The following ADCY2 variants were observed in gnomAD, a reference collection of about 807,000 sequenced individuals.
ADCY2 encodes adenylate cyclase 2.
A neutral mutation model predicts 125.2 loss-of-function variants in ADCY2; 31 were observed. That is an observed-to-expected ratio of 0.25 (90% CI 0.19 to 0.33). The LOEUF (loss-of-function observed/expected upper bound fraction) is 0.33. ADCY2 is among the 10% of genes least tolerant of loss of function. The pLI is 1.00. For synonymous variants in ADCY2, 512 were observed against 548.4 expected (o/e 0.93, Z 0.93); for missense variants, 904 against 1,418.2 (o/e 0.64, Z 5.82).
At chr5:7,577,318 G>A (rs1298519098) in intron 3 of ADCY2, among the ~76,000 whole-genome samples, 1 of 152,200 alleles carries the variant, frequency 6.6e-6, no homozygotes, top group Non-Finnish European at 1.5e-5. Context: ...TAAAGCATGT[G>A]CATGAAGCTG....
intron 3 of ADCY2, among the ~76,000 whole-genome samples, chr5:7,547,418 AG>A (rs1200072929): frequency 6.6e-6 from 1 of 152,132 alleles, no homozygotes; most frequent in African/African-American, 2.4e-5. Flanking sequence ...GATCCTGAAA[AG>A]CTTAATGGAG....
chr5:7,565,748 G>A (rs749145523), intron 3 of ADCY2, among the ~76,000 whole-genome samples: 13 of 152,192 alleles, frequency 8.5e-5, no homozygotes, highest in Non-Finnish European at 1.6e-4. Flanking sequence ...CAAAGAGCCT[G>A]TGTCCAGATG....
At chr5:7,745,851 C>CT (rs962175960) in intron 15 of ADCY2, among the ~76,000 whole-genome samples, 3 of 152,214 alleles carry the variant, frequency 2.0e-5, no homozygotes, top group African/African-American at 7.2e-5. Flanking sequence ...ATCAGGCTGA[C>CT]TTTTTTTCAT....
intron 4 of ADCY2, among the ~76,000 whole-genome samples, chr5:7,684,775 C>T (rs200513048): frequency 2.1e-5 from 3 of 141,444 alleles, no homozygotes; most frequent in African/African-American, 2.6e-5. Context: ...TCTGTTGTGC[C>T]TTTTTTTTTT....
intron 18 of ADCY2, among the ~76,000 whole-genome samples, chr5:7,776,653 C>G (rs1470345341): frequency 1.3e-5 from 2 of 152,196 alleles, no homozygotes; most frequent in Non-Finnish European, 2.9e-5. Context: ...CCAGAGAAGA[C>G]TGACATTTGA....
At chr5:7,464,434 C>A (rs1742031235) in intron 2 of ADCY2, among the ~76,000 whole-genome samples, 2 of 152,212 alleles carry the variant, frequency 1.3e-5, no homozygotes, top group Admixed American at 1.3e-4. Context: ...GTGCCATCTA[C>A]TGACCTACGG....
At chr5:7,596,384 T>C (rs1737006676) in intron 3 of ADCY2, among the ~76,000 whole-genome samples, 1 of 152,216 alleles carries the variant, frequency 6.6e-6, no homozygotes, top group Admixed American at 6.5e-5. Context: ...ATACAGTTGT[T>C]ATTTACAATG....
chr5:7,740,819 T>C (rs1402385030), intron 14 of ADCY2, among the ~76,000 whole-genome samples: 3 of 152,074 alleles, frequency 2.0e-5, no homozygotes. Flanking sequence ...CAGTAACTAG[T>C]AGAATATTTA....
At chr5:7,589,520 G>GAAAAGAA (rs781438703) in intron 3 of ADCY2, among the ~76,000 whole-genome samples, 5 of 101,210 alleles carry the variant, frequency 4.9e-5, no homozygotes, top group South Asian at 7.5e-4. Flanking sequence ...GAAAAGAAAA[G>GAAAAGAA]AAAGAGAAAG....
rs199538422 is a variant in ADCY2 at position 7,709,035 on chromosome 5, TC to T, written c.1402-173del. On this transcript the variant is annotated intron_variant, in intron 9 of 24. Transcript: ENST00000338316. This position sits in a 1 kb window ranked among gnomAD's most constrained non-coding sequence, Gnocchi z 4.4. The stretch of plus-strand genomic sequence containing the variant: ...TATGTTTTGCTAGCTGAAAAAAGAT[TC>T]CCTCAACTCAAATAGTGTGTTCCCC... Among the ~76,000 whole-genome samples, 1,014 of 152,256 alleles carry T rather than the reference TC, an allele frequency of 6.7e-3. 7 individuals are homozygous for T. Among genetic ancestry groups the T allele is most frequent in the Middle Eastern group, 0.024 (7 of 294 alleles).
At position 7,733,026 on chromosome 5, in the gene ADCY2, T is replaced by G. The variant is rs138237170; in HGVS notation, c.1871+5765T>G. Among the ~76,000 whole-genome samples, 460 of 152,314 alleles carry G rather than the reference T, an allele frequency of 3.0e-3. 1 individual carries two copies. The highest frequency in any genetic ancestry group is 6.8e-3 in the Middle Eastern group (2 of 294). The stretch of plus-strand genomic sequence containing the variant: ...CAAAAATGATCAAGCATGAATTGCT[T>G]TTTTTGCTTTTAAGTAGTTTCATTC... On this transcript the variant is annotated intron_variant, in intron 14 of 24. Coordinates refer to ENST00000338316, the MANE Select transcript of ADCY2 (RefSeq NM_020546.3).
chr5:7,483,392 G>C (rs905946513), intron 2 of ADCY2, among the ~76,000 whole-genome samples: 2 of 151,438 alleles, frequency 1.3e-5, no homozygotes, highest in African/African-American at 4.9e-5. Context: ...TAGCCTTTCA[G>C]TGATGATTGA....
At chr5:7,620,164 T>A (rs1737907270) in intron 3 of ADCY2, among the ~76,000 whole-genome samples, 1 of 152,094 alleles carries the variant, frequency 6.6e-6, no homozygotes, top group Non-Finnish European at 1.5e-5. Context: ...TCCAAATATA[T>A]CTGGAAAAAT....
In ADCY2 at chr5:7,827,122, G is replaced by A. The variant is rs1745510702; in HGVS notation, c.*251G>A. On this transcript the variant is annotated 3_prime_UTR_variant, in exon 25 of 25. Transcript: ENST00000338316. ...GCGCGTGATAGAAGAAAAGCACTGG[G>A]AGAACTAACAGAGGAGAAAGGTGAA... 3 of 423,550 alleles carry A rather than the reference G, an allele frequency of 7.1e-6. No individual in the cohort carries two copies. The highest frequency in any genetic ancestry group is 6.3e-4 in the Middle Eastern group (1 of 1,584). The allele number at this position is 423,550 out of a possible 1,614,324, so 26.2% of individuals were successfully genotyped here.
intron 3 of ADCY2, among the ~76,000 whole-genome samples, chr5:7,583,829 T>C (rs1736516261): frequency 6.6e-6 from 1 of 152,010 alleles, no homozygotes; most frequent in Non-Finnish European, 1.5e-5. Context: ...ACAGCTGAAG[T>C]GTCCAGGAAC....
intron 4 of ADCY2, among the ~76,000 whole-genome samples, chr5:7,671,058 A>G (rs1311266197): frequency 6.6e-6 from 1 of 152,226 alleles, no homozygotes; most frequent in East Asian, 1.9e-4. Flanking sequence ...TTTTAGAGAC[A>G]GATGTTAGGC....
At chr5:7,458,602 T>C (rs571064104) in intron 2 of ADCY2, among the ~76,000 whole-genome samples, 1 of 152,314 alleles carries the variant, frequency 6.6e-6, no homozygotes, top group South Asian at 2.1e-4. Context: ...TGGCGTATGT[T>C]AATGGCGTTT....
In ADCY2 at chr5:7,749,019, C is replaced by T. The variant is rs146016673; in HGVS notation, c.1956+5267C>T. The stretch of plus-strand genomic sequence containing the variant: ...GCCAGGCTGTGTGTGGGGTGAGTCA[C>T]AGGCAGACGGTGCCCAGCACTAGGC... On this transcript the variant is annotated intron_variant, in intron 15 of 24. Transcript: ENST00000338316. Among the ~76,000 whole-genome samples the T allele has an allele frequency of 5.1e-3, 782 of 152,262 alleles. 6 individuals carry two copies. The highest frequency in any genetic ancestry group is 0.02 in the Middle Eastern group (6 of 294).
intron 24 of ADCY2, among the ~76,000 whole-genome samples, chr5:7,823,378 C>T (rs1353674607): frequency 1.3e-5 from 2 of 152,190 alleles, no homozygotes; most frequent in South Asian, 2.1e-4. Flanking sequence ...GGGTGCAAGA[C>T]GAGGCTCTTC....
Sources: allele counts gnomAD v4.1 joint callset (sites outside exome capture counted in the v4.1 genomes callset), GRCh38; gene constraint gnomAD v4.1.1; non-coding constraint Gnocchi (gnomAD v3.1); transcripts MANE v1.5; gene names NCBI Gene and HGNC (gene_info 2026-07-23, HGNC 2026-07-21).